The following PLSCR2 variants were observed in gnomAD, a reference collection of about 807,000 sequenced individuals.
PLSCR2 encodes the protein PL scramblase 2.
Under a neutral mutation model 25.3 loss-of-function variants are expected in PLSCR2, and 18 were observed. That is an observed-to-expected ratio of 0.71 (90% CI 0.49 to 1.06). The LOEUF (loss-of-function observed/expected upper bound fraction) is 1.06, where lower values mean the gene tolerates loss of function less well. Among genes scored for constraint, PLSCR2 ranks in the 50% least tolerant of loss-of-function variants. PLSCR2 has a pLI of 0.00. For missense variants in PLSCR2, 243 were observed against 269.5 expected (o/e 0.90, Z 0.69); for synonymous variants, 88 against 87.3 (o/e 1.01, Z -0.04).
chr3:146,483,479 G>GTATATATATATATA lies in PLSCR2; in HGVS notation c.-293+12402_-293+12415dup, dbSNP rs56655616. On this transcript the variant is annotated intron_variant, in intron 1 of 8. Transcript: ENST00000336685. ...TATATATATATATATATATACATGT[G>GTATATATATATATA]TATATATATATATATATATATATAT... 3.2e-3 allele frequency among the ~76,000 whole-genome samples: 176 copies of GTATATATATATATA among 54,796 alleles called. 5 individuals carry two copies. The highest frequency in any genetic ancestry group is 7.4e-3 in the African/African-American group (88 of 11,896). The allele number at this position is 54,796 out of a possible 152,430, so 35.9% of individuals were successfully genotyped here. A position where few individuals can be genotyped will look rare whatever the true frequency, so the allele number is the denominator to read the frequency against.
intron 2 of PLSCR2, among the ~76,000 whole-genome samples, chr3:146,418,441 T>G (rs978135719): frequency 1.3e-5 from 2 of 152,174 alleles, no homozygotes; most frequent in African/African-American, 4.8e-5. Flanking sequence ...AAACTTAGAT[T>G]TGTAAAACAA....
intron 1 of PLSCR2, among the ~76,000 whole-genome samples, chr3:146,485,256 T>C (rs2043299253): frequency 6.6e-6 from 1 of 152,176 alleles, no homozygotes; most frequent in Admixed American, 6.5e-5. Context: ...CTAACAATTC[T>C]AAATATATAT....
intron 2 of PLSCR2, among the ~76,000 whole-genome samples, chr3:146,458,904 A>G (rs926336942): frequency 2.6e-5 from 4 of 152,110 alleles, no homozygotes; most frequent in African/African-American, 4.8e-5. Context: ...CATTTCTTGG[A>G]GAAATATGAA....
chr3:146,396,531 G>A (rs984636609), intron 2 of PLSCR2, among the ~76,000 whole-genome samples: 1 of 152,140 alleles, frequency 6.6e-6, no homozygotes, highest in African/African-American at 2.4e-5. Flanking sequence ...CTACACAAAT[G>A]GTAGGGGCAT....
At chr3:146,430,040 G>A (rs59940298), downstream of PLSCR2, among the ~76,000 whole-genome samples, 10,821 of 152,016 alleles carry the variant, frequency 0.071, 491 homozygotes, top group African/African-American at 0.11. Context: ...ACTAAATTCC[G>A]CGCCTGGCTG....
chr3:146,419,438 C>T (rs999731151), intron 2 of PLSCR2, among the ~76,000 whole-genome samples: 1 of 152,090 alleles, frequency 6.6e-6, no homozygotes, highest in African/African-American at 2.4e-5. Flanking sequence ...TCCAAAGCCA[C>T]TTATGTATTT....
At chr3:146,400,288 A>G (rs1384616883) in intron 2 of PLSCR2, among the ~76,000 whole-genome samples, 1 of 151,694 alleles carries the variant, frequency 6.6e-6, no homozygotes, top group Non-Finnish European at 1.5e-5. Flanking sequence ...ACAAGGTCAG[A>G]GTAAAGTGAA....
chr3:146,428,974 T>G (rs1039008235), downstream of PLSCR2, among the ~76,000 whole-genome samples: 1 of 152,242 alleles, frequency 6.6e-6, no homozygotes, highest in African/African-American at 2.4e-5. Flanking sequence ...CTATGTTTGT[T>G]CTACTGCAGG....
At chr3:146,483,293 G>T (rs2043195503) in intron 1 of PLSCR2, among the ~76,000 whole-genome samples, 1 of 128,064 alleles carries the variant, frequency 7.8e-6, no homozygotes, top group Admixed American at 8.1e-5. Context: ...GGGGTGGGGG[G>T]CTGGGGGAGG....
At chr3:146,483,487 A>ATATATATATATATACATG (rs2043227452) in intron 1 of PLSCR2, among the ~76,000 whole-genome samples, 1 of 101,360 alleles carries the variant, frequency 9.9e-6, no homozygotes, top group African/African-American at 4.1e-5. Flanking sequence ...GTGTATATAT[A>ATATATATATATATACATG]TATATATATA....
upstream of PLSCR2, chr3:146,461,977 G>A: frequency 6.7e-6 from 8 of 1,194,400 alleles, no homozygotes; most frequent in Non-Finnish European, 8.0e-6. Flanking sequence ...AAATGACAAA[G>A]AACAAGTCAA....
exon 5 of PLSCR2, chr3:146,454,021 A>T: frequency 6.3e-7 from 1 of 1,586,134 alleles, no homozygotes; most frequent in Non-Finnish European, 8.5e-7. Flanking sequence ...AACACCCGCA[A>T]TACAGCTGCA....
rs577042384 is a variant in PLSCR2 at position 146,449,383 on chromosome 3, A to G, written c.484-16T>C. 7.4e-5 allele frequency: 115 copies of G among 1,551,654 alleles called. No individual in the cohort carries two copies. The African/African-American group carries it at 1.4e-3, about 19-fold the overall frequency. The stretch of plus-strand genomic sequence containing the variant: ...GAGATGTAATCTAAATTGCAAAAAA[A>G]AAAAAAACTTAAAAATTTCTAGAAA... On this transcript the variant is annotated splice_polypyrimidine_tract_variant and intron_variant, in intron 5 of 6. Transcript: ENST00000610787.
upstream of PLSCR2, chr3:146,461,977 G>T: frequency 1.7e-6 from 2 of 1,194,428 alleles, no homozygotes; most frequent in Non-Finnish European, 2.3e-6. Context: ...AAATGACAAA[G>T]AACAAGTCAA....
intron 5 of PLSCR2, 75 bp from the exon 6 acceptor site, chr3:146,449,442 AAAGG>A (rs2040764871): frequency 1.0e-6 from 1 of 969,964 alleles, no homozygotes; most frequent in Non-Finnish European, 1.6e-6. Flanking sequence ...CACTGGAGTA[AAAGG>A]AAGGAAATAT....
At chr3:146,423,282 T>TCTCTCTCC (rs758576585) in intron 2 of PLSCR2, among the ~76,000 whole-genome samples, 8,133 of 100,724 alleles carry the variant, frequency 0.081, 1,682 homozygotes, top group Admixed American at 0.13. Context: ...TCTCTCTCTC[T>TCTCTCTCC]CCCTGGCTAG....
chr3:146,411,793 T>A (rs2038861167), intron 2 of PLSCR2, among the ~76,000 whole-genome samples: 1 of 152,312 alleles, frequency 6.6e-6, no homozygotes, highest in South Asian at 2.1e-4. Flanking sequence ...AGAAATAAAG[T>A]ACGCAAAAAG....
chr3:146,418,753 A>T (rs2039060862), intron 2 of PLSCR2, among the ~76,000 whole-genome samples: 1 of 152,092 alleles, frequency 6.6e-6, no homozygotes, highest in South Asian at 2.1e-4. Flanking sequence ...GTTATTAGGC[A>T]GTTTTCATTT....
At chr3:146,469,534 G>C (rs955989205) in intron 1 of PLSCR2, 2 of 985,282 alleles carry the variant, frequency 2.0e-6, no homozygotes, top group Non-Finnish European at 2.4e-6. Flanking sequence ...TGAGCGAGCC[G>C]AGGTCCTAGC....
Sources: allele counts gnomAD v4.1 joint callset (sites outside exome capture counted in the v4.1 genomes callset), GRCh38; gene constraint gnomAD v4.1.1; transcripts MANE v1.5; gene names NCBI Gene and HGNC (gene_info 2026-07-23, HGNC 2026-07-21).